CDC45: variants seen among roughly 807,000 people sequenced by gnomAD.
The protein encoded by CDC45 is cell division control protein 45 homolog.
Under a neutral mutation model 77.8 loss-of-function variants are expected in CDC45, and 54 were observed. That is an observed-to-expected ratio of 0.69 (90% confidence interval 0.56 to 0.87). The LOEUF (loss-of-function observed/expected upper bound fraction) is 0.87. Among genes scored for constraint, CDC45 ranks in the 40% least tolerant of loss-of-function variants. The pLI is 0.00. For synonymous variants in CDC45, 260 were observed against 272.1 expected (o/e 0.96, Z 0.44); for missense variants, 649 against 721.6 (o/e 0.90, Z 1.15).
chr22:19,495,598 G>C lies in CDC45; in HGVS notation c.543-383G>C, dbSNP rs13447219. On this transcript the variant is annotated intron_variant, in intron 6 of 18. Transcript: ENST00000263201. ...TTTGGGAAGCCAAGGTGGAAGGACT[G>C]CTTGAGCCCAGGAGTTTGAGACCAA... is the stretch of plus-strand genomic sequence containing the variant. 5.3e-5 allele frequency among the ~76,000 whole-genome samples: 8 copies of C among 152,350 alleles called. No homozygotes were observed. In the East Asian group the frequency reaches 1.2e-3, roughly 22 times the overall value.
intron 5 of CDC45, among the ~76,000 whole-genome samples, chr22:19,488,274 C>T (rs1013768658): frequency 6.6e-6 from 1 of 152,240 alleles, no homozygotes; most frequent in African/African-American, 2.4e-5. Flanking sequence ...TCCTTATGCT[C>T]ATGGATTCTG....
In CDC45 at chr22:19,483,962, G is replaced by GTGATGGGTC; in HGVS notation, c.444_452dup (p.Asp149_Ser151dup). 6.2e-7 allele frequency: 1 copy of GTGATGGGTC among 1,613,726 alleles called. No homozygotes were observed. The highest frequency in any genetic ancestry group is 1.3e-5 in the African/African-American group (1 of 75,006). ...GATGAAGAGCATTCAGGAAATGACA[G>GTGATGGGTC]TGATGGGTCAGAGCCTTCTGAGAAG... On this transcript the variant is annotated inframe_insertion, in exon 5 of 19. Coordinates refer to ENST00000263201, the MANE Select transcript of CDC45 (RefSeq NM_003504.5).
chr22:19,505,632 A>C (rs925968575), intron 10 of CDC45, 151 bp downstream of exon 10: 1 of 775,108 alleles, frequency 1.3e-6, no homozygotes, highest in African/African-American at 1.7e-5. Context: ...GTGGTGTGCT[A>C]CCCCAGCTCA....
chr22:19,495,386 G>T (rs888278520), intron 6 of CDC45, among the ~76,000 whole-genome samples: 1 of 152,176 alleles, frequency 6.6e-6, no homozygotes, highest in Non-Finnish European at 1.5e-5. Flanking sequence ...AGCAAGTTTT[G>T]TCTTGCTTTT....
Position 19,507,385 on chromosome 22 carries a change from G to T in CDC45, c.825-1G>T. 1 of 1,613,832 alleles carries T rather than the reference G, an allele frequency of 6.2e-7. No individual in the cohort carries two copies. ...TGCATGCTCCTTGACTGCAGGCCCA[G>T]CCTCCGCCTGGTGCTCTACCAGCAC... On this transcript the variant is annotated splice_acceptor_variant, in intron 10 of 18. Transcript: ENST00000263201. LOFTEE classifies it high-confidence loss of function.
chr22:19,496,423 C>T (rs1682262754), intron 7 of CDC45, among the ~76,000 whole-genome samples: 1 of 152,188 alleles, frequency 6.6e-6, no homozygotes, highest in South Asian at 2.1e-4. Context: ...GTGTAGAAAA[C>T]CTACTATGTC....
Position 19,496,135 on chromosome 22 carries a change from G to A in CDC45, c.591+106G>A, listed in dbSNP as rs772778916. On this transcript the variant is annotated intron_variant, in intron 7 of 18. Coordinates refer to ENST00000263201, the MANE Select transcript of CDC45 (RefSeq NM_003504.5). ...TTTTAGAGCCACAAAAGCCTGGTTT[G>A]AATCTGAGCTCCATGTCTTCCCCCT... The A allele has an allele frequency of 4.2e-4, 332 of 798,340 alleles. 1 individual carries two copies. Among genetic ancestry groups the A allele is most frequent in the Non-Finnish European group, 6.2e-4 (292 of 470,698 alleles). The allele number at this position is 798,340 out of a possible 1,614,324, so 49.5% of individuals were successfully genotyped here.
intron 6 of CDC45, among the ~76,000 whole-genome samples, chr22:19,495,630 CA>C (rs1391176122): frequency 2.6e-5 from 4 of 152,274 alleles, no homozygotes; most frequent in Middle Eastern, 3.4e-3. Context: ...CCAACCTGGA[CA>C]ACATAGTGAG....
Position 19,516,617 on chromosome 22 carries a change from C to A in CDC45, c.1531C>A (p.Pro511Thr), listed in dbSNP as rs1027303285. 14 of 1,613,984 alleles carry A rather than the reference C, an allele frequency of 8.7e-6. No homozygotes were observed. The highest frequency in any genetic ancestry group is 1.2e-5 in the Non-Finnish European group (14 of 1,179,908). Reference protein sequence around the residue: ...HGTVTVVGIPPETDSSDRKNF... With the variant: ...HGTVTVVGIPTETDSSDRKNF... ...CACAGTGACCGTGGTGGGCATCCCC[C>A]CAGAGACCGACAGCTCGGACAGGAA... Residue 511 changes from proline (P) to threonine (T), a missense_variant, in exon 16 of 19, where the codon CCA becomes ACA. Physicochemically the swap from Pro to Thr is conservative, Grantham distance 38 (BLOSUM62 -1). Transcript: ENST00000263201.
intron 4 of CDC45, 60 bp from the exon 5 acceptor site, chr22:19,483,802 A>T: frequency 6.8e-7 from 1 of 1,477,928 alleles, no homozygotes; most frequent in Non-Finnish European, 9.3e-7. Context: ...GCAGAAGAAC[A>T]TATTGTATAG....
In CDC45 at chr22:19,507,485, G is replaced by C; in HGVS notation, c.924G>C (p.Gln308His). 4.3e-6 allele frequency: 7 copies of C among 1,614,202 alleles called. No homozygotes were observed. The highest frequency in any genetic ancestry group is 5.9e-6 in the Non-Finnish European group (7 of 1,180,030). The stretch of plus-strand genomic sequence containing the variant: ...TCAAGCTGTGGTCTGTGCATGGACA[G>C]AAGCGGCTCCAGGAGTTCCTTGCAG... ...ARFKLWSVHG[Q>H]KRLQEFLADM... is the part of the protein sequence containing the mutation. Residue 308 changes from glutamine to histidine, a missense_variant, in exon 11 of 19, where the codon CAG (glutamine) becomes CAC (histidine). Physicochemically the swap from Gln to His is conservative, Grantham distance 24. Transcript: ENST00000263201.
intron 5 of CDC45, among the ~76,000 whole-genome samples, chr22:19,492,805 G>C (rs1043422285): frequency 1.3e-5 from 2 of 152,158 alleles, no homozygotes; most frequent in African/African-American, 4.8e-5. Flanking sequence ...AAAAGATCAG[G>C]TTCCCCACCT....
intron 7 of CDC45, 31 bp downstream of exon 7, chr22:19,496,060 A>T (rs1276271643): frequency 2.7e-6 from 4 of 1,462,616 alleles, no homozygotes; most frequent in Non-Finnish European, 3.8e-6. Flanking sequence ...CTCACTATAA[A>T]GTTCTGACTC....
At chr22:19,481,072 G>T (rs369567132) in intron 3 of CDC45, 27 bp downstream of exon 3, 14 of 1,464,324 alleles carry the variant, frequency 9.6e-6, no homozygotes, top group African/African-American at 1.4e-5. Flanking sequence ...TTAGAATAAC[G>T]TGGCTTTTTA....
chr22:19,508,919 T>C (rs879081140), intron 13 of CDC45, among the ~76,000 whole-genome samples: 1 of 152,232 alleles, frequency 6.6e-6, no homozygotes, highest in African/African-American at 2.4e-5. Context: ...TTTTTCTTTT[T>C]GATTTTTAAA....
chr22:19,503,330 T>C (rs3788299), intron 9 of CDC45, among the ~76,000 whole-genome samples: 7,130 of 152,136 alleles, frequency 0.047, 224 homozygotes, highest in Middle Eastern at 0.15. Flanking sequence ...ACCAAATCAA[T>C]ATTTCTCATT....
chr22:19,503,488 A>G (rs989864379), intron 9 of CDC45, among the ~76,000 whole-genome samples: 1 of 152,206 alleles, frequency 6.6e-6, no homozygotes, highest in Non-Finnish European at 1.5e-5. Context: ...ACCTCCAACC[A>G]GGAGTTCAGC....
rs373859526 is a variant in CDC45, at chr22:19,497,137, A to G, written c.592-249A>G. ...CTACCAAGTGAATTCTTCCCTTGCTACAGGATAAAATATACAGACAGTAAT... is the reference window on the plus strand; with the variant it reads ...CTACCAAGTGAATTCTTCCCTTGCTGCAGGATAAAATATACAGACAGTAAT... On this transcript the variant is annotated intron_variant, in intron 7 of 18. Transcript: ENST00000263201. 6.8e-4 allele frequency among the ~76,000 whole-genome samples: 104 copies of G among 152,334 alleles called. No homozygotes were observed. The South Asian group carries it at 0.012, about 18-fold the overall frequency.
At chr22:19,484,199 T>C (rs1335539104) in intron 5 of CDC45, among the ~76,000 whole-genome samples, 194 bp downstream of exon 5, 1 of 152,208 alleles carries the variant, frequency 6.6e-6, no homozygotes, top group Non-Finnish European at 1.5e-5. Context: ...CTTCCCTAAA[T>C]AGTGGCTTAT....
Sources: allele counts gnomAD v4.1 joint callset (sites outside exome capture counted in the v4.1 genomes callset), GRCh38; gene constraint gnomAD v4.1.1; transcripts MANE v1.5; gene names NCBI Gene and HGNC (gene_info 2026-07-23, HGNC 2026-07-21).